Variants in ASIC2 observed in about 807,000 individuals in gnomAD.
ASIC2 encodes acid sensing ion channel subunit 2.
Under a neutral mutation model 57.3 loss-of-function variants are expected in ASIC2, and 25 were observed. The ratio of observed to expected loss-of-function variants is 0.44; its 90% CI spans 0.32 to 0.61. ASIC2 has a LOEUF of 0.61. Ranked by LOEUF, ASIC2 falls within the 20% of genes least tolerant of loss-of-function variation. The pLI is 0.06. For synonymous variants in ASIC2, 319 were observed against 307.5 expected (o/e 1.04, Z -0.39); for missense variants, 641 against 738.1 (o/e 0.87, Z 1.52).
chr17:33,426,469 C>T (rs1340006940), intron 1 of ASIC2, among the ~76,000 whole-genome samples: 6 of 152,220 alleles, frequency 3.9e-5, no homozygotes, highest in African/African-American at 9.6e-5. Context: ...TTGGCTGTTT[C>T]GTTGGTGGGG....
At chr17:34,122,342 C>T (rs558478736) in intron 1 of ASIC2, among the ~76,000 whole-genome samples, 7 of 152,246 alleles carry the variant, frequency 4.6e-5, no homozygotes, top group African/African-American at 1.7e-4. Context: ...CCCAGGCAGC[C>T]GACTCCACCA....
chr17:33,464,117 T>A (rs1912731714), intron 1 of ASIC2, among the ~76,000 whole-genome samples: 1 of 152,246 alleles, frequency 6.6e-6, no homozygotes, highest in Non-Finnish European at 1.5e-5. Context: ...CTGTCATTGC[T>A]CATTTTCCCA....
At chr17:33,843,464 C>T (rs1037573622) in intron 1 of ASIC2, among the ~76,000 whole-genome samples, 1 of 151,908 alleles carries the variant, frequency 6.6e-6, no homozygotes, top group Middle Eastern at 3.4e-3. Context: ...CACTGTTAAC[C>T]GTTTATTTTA....
intron 1 of ASIC2, chr17:33,792,091 G>A (rs1167459376): frequency 2.0e-5 from 3 of 152,200 alleles, no homozygotes; most frequent in African/African-American, 4.8e-5. Context: ...TTACAGGCAT[G>A]AGCCACCACG....
At chr17:33,146,272 C>T (rs937292742) in intron 1 of ASIC2, among the ~76,000 whole-genome samples, 1 of 152,172 alleles carries the variant, frequency 6.6e-6, no homozygotes, top group Admixed American at 6.5e-5. Flanking sequence ...GGGTACTAGG[C>T]TCTAGCTTTG....
chr17:33,588,017 A>T (rs1436539852), intron 1 of ASIC2, among the ~76,000 whole-genome samples: 1 of 152,222 alleles, frequency 6.6e-6, no homozygotes, highest in Non-Finnish European at 1.5e-5. Flanking sequence ...TAGGAACACC[A>T]GTTGGGACTG....
chr17:33,473,544 C>T (rs1199202242), intron 1 of ASIC2, among the ~76,000 whole-genome samples: 1 of 152,084 alleles, frequency 6.6e-6, no homozygotes, highest in Non-Finnish European at 1.5e-5. Context: ...TAAGGAAGAG[C>T]TTGCAGGCTG....
chr17:33,900,345 T>C (rs1567750782), intron 1 of ASIC2, among the ~76,000 whole-genome samples: 2 of 152,244 alleles, frequency 1.3e-5, no homozygotes, highest in South Asian at 4.2e-4. Context: ...CTGGATATTA[T>C]TCCATAGGGT....
intron 1 of ASIC2, among the ~76,000 whole-genome samples, chr17:33,508,604 G>A (rs969076798): frequency 2.4e-4 from 36 of 152,330 alleles, no homozygotes; most frequent in African/African-American, 8.4e-4. Context: ...AGGCAGGAGA[G>A]TACATTTGAG....
intron 1 of ASIC2, among the ~76,000 whole-genome samples, chr17:33,882,546 CA>C (rs1914729145): frequency 1.3e-5 from 2 of 152,196 alleles, no homozygotes; most frequent in African/African-American, 4.8e-5. Context: ...AAATGCAAAT[CA>C]AAACCCCAAT....
rs1484770959 is a variant in ASIC2, at chr17:33,418,020, ATGTATGTATGTGTG to A, written c.556-305967_556-305954del. The stretch of plus-strand genomic sequence containing the variant: ...CAGAGGCCCCACTCTGGCTCTCAGC[ATGTATGTATGTGTG>A]TGTGTGTGTGTGTGTGTGTGTGTGT... On this transcript the variant is annotated intron_variant, in intron 1 of 9. Coordinates refer to the ASIC2 transcript ENST00000359872. Among the ~76,000 whole-genome samples the A allele has an allele frequency of 7.0e-3, 824 of 117,642 alleles. 11 individuals are homozygous for A. The highest frequency in any genetic ancestry group is 0.03 in the African/African-American group (771 of 25,648). 77.2% of individuals were successfully genotyped at this position (117,642 alleles called of 152,430 possible).
At chr17:33,630,853 T>C (rs1027257670) in intron 1 of ASIC2, among the ~76,000 whole-genome samples, 19 of 152,208 alleles carry the variant, frequency 1.2e-4, no homozygotes, top group African/African-American at 4.3e-4. Flanking sequence ...TCATCATTTG[T>C]TGAGTTGAGA....
At chr17:33,321,775 T>C (rs1906881886) in intron 1 of ASIC2, among the ~76,000 whole-genome samples, 1 of 152,232 alleles carries the variant, frequency 6.6e-6, no homozygotes, top group Non-Finnish European at 1.5e-5. Flanking sequence ...ACTTTCATTA[T>C]GCATTTTCTT....
At chr17:33,015,840 A>G (rs2091802637) in intron 9 of ASIC2, 131 bp downstream of exon 9, 3 of 921,992 alleles carry the variant, frequency 3.3e-6, no homozygotes, top group Non-Finnish European at 5.0e-6. Context: ...TTGGGAACTG[A>G]CAGCATGTCC....
At chr17:34,009,416 T>C (rs1216814036) in intron 1 of ASIC2, among the ~76,000 whole-genome samples, 1 of 152,230 alleles carries the variant, frequency 6.6e-6, no homozygotes, top group African/African-American at 2.4e-5. Flanking sequence ...AAAATACTTA[T>C]CAGAGTCCTG....
chr17:33,895,705 T>C (rs1477966737), intron 1 of ASIC2, among the ~76,000 whole-genome samples: 1 of 152,232 alleles, frequency 6.6e-6, no homozygotes, highest in East Asian at 1.9e-4. Context: ...CCAGGCTGAG[T>C]TGATCCTGGT....
chr17:34,131,927 G>A (rs929260), intron 1 of ASIC2, among the ~76,000 whole-genome samples: 49,284 of 152,094 alleles, frequency 0.32, 8,884 homozygotes, highest in Middle Eastern at 0.45. Context: ...GGGACATTTA[G>A]GAACTCTGGT....
At chr17:33,496,774 T>C (rs12449597) in intron 1 of ASIC2, among the ~76,000 whole-genome samples, 30,898 of 151,800 alleles carry the variant, frequency 0.2, 3,234 homozygotes, top group Middle Eastern at 0.23. Context: ...TGCACCACCA[T>C]GCCCAGCTAA....
intron 1 of ASIC2, among the ~76,000 whole-genome samples, chr17:34,029,292 G>T (rs1907496217): frequency 6.7e-6 from 1 of 150,064 alleles, no homozygotes; most frequent in African/African-American, 2.5e-5. Flanking sequence ...GTCATCCAGT[G>T]TCAAGAAATG....
Sources: gnomAD v4.1 joint callset for allele counts (sites outside exome capture counted in the v4.1 genomes callset) on GRCh38, gnomAD v4.1.1 for gene constraint, MANE v1.5 for transcripts, NCBI Gene and HGNC (gene_info 2026-07-23, HGNC 2026-07-21) for gene names.